SRBD1: variants seen among roughly 807,000 people sequenced by gnomAD.
SRBD1 encodes the protein S1 RNA binding domain 1.
A neutral mutation model predicts 115.3 loss-of-function variants in SRBD1; 88 were observed. That is an observed-to-expected ratio of 0.76 (90% CI 0.64 to 0.91). SRBD1 has a LOEUF of 0.91. Among genes scored for constraint, SRBD1 ranks in the 40% least tolerant of loss-of-function variants. The pLI, the probability that SRBD1 is intolerant of heterozygous loss-of-function variation, is 0.00. For synonymous variants in SRBD1, 509 were observed against 407.7 expected (o/e 1.25, Z -2.99); for missense variants, 1,385 against 1,177.4 (o/e 1.18, Z -2.58).
intron 1 of SRBD1, among the ~76,000 whole-genome samples, chr2:45,605,901 C>G (rs1176642819): frequency 4.4e-5 from 6 of 135,640 alleles, no homozygotes; most frequent in Non-Finnish European, 7.8e-5. Flanking sequence ...GAGACTCGGT[C>G]TCAAAAAAAA....
chr2:45,605,529 ATTTC>A, intron 1 of SRBD1, 88 bp from the exon 2 acceptor site: 1 of 1,228,684 alleles, frequency 8.1e-7, no homozygotes, highest in South Asian at 1.3e-5. Flanking sequence ...CAAAACTAAC[ATTTC>A]ATAGGAAAAA....
At chr2:45,526,529 A>G (rs1348613909) in intron 14 of SRBD1, among the ~76,000 whole-genome samples, 1 of 151,944 alleles carries the variant, frequency 6.6e-6, no homozygotes, top group Non-Finnish European at 1.5e-5. Flanking sequence ...AAGTTTTAAA[A>G]TTAGTAGTGA....
At chr2:45,441,692 T>C (rs1279319160) in intron 16 of SRBD1, among the ~76,000 whole-genome samples, 1 of 152,228 alleles carries the variant, frequency 6.6e-6, no homozygotes, top group Non-Finnish European at 1.5e-5. Flanking sequence ...GCTGGGAATT[T>C]GGTTTAAGAA....
intron 4 of SRBD1, among the ~76,000 whole-genome samples, chr2:45,587,138 T>TA (rs572183872): frequency 0.023 from 2,387 of 102,682 alleles, 413 homozygotes; most frequent in African/African-American, 0.12. Flanking sequence ...TATTTAAAAT[T>TA]TTTTAAATAT....
At chr2:45,463,698 A>G (rs1007137380) in intron 16 of SRBD1, among the ~76,000 whole-genome samples, 2 of 152,232 alleles carry the variant, frequency 1.3e-5, no homozygotes, top group Admixed American at 6.5e-5. Flanking sequence ...GGTTATCCAC[A>G]TATAATTATA....
At chr2:45,445,641 C>T (rs1668801190) in intron 16 of SRBD1, among the ~76,000 whole-genome samples, 2 of 145,152 alleles carry the variant, frequency 1.4e-5, no homozygotes, top group Admixed American at 1.4e-4. Flanking sequence ...TTAAAGAAAC[C>T]AATGTTAGAC....
At chr2:45,493,130 G>C (rs1325639571) in intron 14 of SRBD1, among the ~76,000 whole-genome samples, 1 of 152,172 alleles carries the variant, frequency 6.6e-6, no homozygotes, top group Non-Finnish European at 1.5e-5. Context: ...CAAATGCCTA[G>C]CTCATCTCAA....
At chr2:45,520,807 TC>T (rs1347022030) in intron 14 of SRBD1, among the ~76,000 whole-genome samples, 1 of 152,062 alleles carries the variant, frequency 6.6e-6, no homozygotes, top group East Asian at 1.9e-4. Flanking sequence ...CTTGTCCAGC[TC>T]CCATCCATCT....
intron 4 of SRBD1, among the ~76,000 whole-genome samples, chr2:45,598,795 G>A (rs973193324): frequency 1.3e-5 from 2 of 151,912 alleles, no homozygotes; most frequent in African/African-American, 4.8e-5. Flanking sequence ...CAGATAACAG[G>A]GAGGGAAGTC....
intron 4 of SRBD1, among the ~76,000 whole-genome samples, chr2:45,590,758 T>C (rs1673696372): frequency 1.3e-5 from 2 of 152,220 alleles, no homozygotes; most frequent in Non-Finnish European, 2.9e-5. Context: ...GGCTCATGCC[T>C]GTAATCCCAG....
At chr2:45,526,073 A>G (rs1396927704) in intron 14 of SRBD1, among the ~76,000 whole-genome samples, 1 of 152,032 alleles carries the variant, frequency 6.6e-6, no homozygotes, top group Non-Finnish European at 1.5e-5. Flanking sequence ...AAACAATCAC[A>G]GAGTTACCAC....
chr2:45,403,159 G>A (rs1667335934), intron 19 of SRBD1, among the ~76,000 whole-genome samples: 1 of 152,118 alleles, frequency 6.6e-6, no homozygotes, highest in African/African-American at 2.4e-5. Context: ...CTCTGTGAAG[G>A]CAAATGGGAT....
chr2:45,540,370 G>T (rs989949764), intron 14 of SRBD1, among the ~76,000 whole-genome samples: 11 of 151,088 alleles, frequency 7.3e-5, no homozygotes, highest in Non-Finnish European at 1.3e-4. Flanking sequence ...TAAATGAGTG[G>T]ATGTCAATTC....
intron 19 of SRBD1, among the ~76,000 whole-genome samples, chr2:45,404,863 C>T (rs1291109651): frequency 6.6e-6 from 1 of 152,126 alleles, no homozygotes; most frequent in Non-Finnish European, 1.5e-5. Flanking sequence ...GCCACACTGG[C>T]TGCCTTGTTA....
chr2:45,407,024 T>C (rs562734342), intron 19 of SRBD1, among the ~76,000 whole-genome samples: 1 of 152,208 alleles, frequency 6.6e-6, no homozygotes, highest in Non-Finnish European at 1.5e-5. Context: ...AGCTTTTTCA[T>C]TGTAGCCTAG....
chr2:45,461,845 A>G (rs772742192), intron 16 of SRBD1, among the ~76,000 whole-genome samples: 3 of 152,180 alleles, frequency 2.0e-5, no homozygotes, highest in Non-Finnish European at 4.4e-5. Context: ...TATTCTGTGG[A>G]GTCCTCTTCT....
chr2:45,596,050 A>C (rs922896893), intron 4 of SRBD1, among the ~76,000 whole-genome samples: 28 of 152,224 alleles, frequency 1.8e-4, no homozygotes, highest in African/African-American at 6.5e-4. Context: ...GCATGCCTAT[A>C]ATTTTCAAAA....
At chr2:45,540,818 A>G (rs1001329033) in intron 14 of SRBD1, among the ~76,000 whole-genome samples, 1 of 152,268 alleles carries the variant, frequency 6.6e-6, no homozygotes, top group African/African-American at 2.4e-5. Flanking sequence ...ACAATGAGAT[A>G]TCACTACATA....
intron 16 of SRBD1, among the ~76,000 whole-genome samples, chr2:45,469,857 C>T (rs1225830195): frequency 2.0e-5 from 3 of 152,178 alleles, no homozygotes; most frequent in Admixed American, 2.0e-4. Context: ...AGCAAAGATT[C>T]AGTACAGCCC....
Sources: allele counts gnomAD v4.1 joint callset (sites outside exome capture counted in the v4.1 genomes callset), GRCh38; gene constraint gnomAD v4.1.1; transcripts MANE v1.5; gene names NCBI Gene and HGNC (gene_info 2026-07-23, HGNC 2026-07-21).